CFAP44: variants seen among roughly 807,000 people sequenced by gnomAD.
CFAP44 encodes cilia- and flagella-associated protein 44.
In CFAP44, 134 loss-of-function variants were observed where a neutral mutation model predicts 216.2. The observed-to-expected ratio is 0.62, with a 90% CI of 0.54 to 0.72. The LOEUF (loss-of-function observed/expected upper bound fraction) is 0.72. CFAP44 is among the 30% of genes least tolerant of loss of function. CFAP44 has a pLI of 0.00. For synonymous variants in CFAP44, 700 were observed against 727.6 expected (o/e 0.96, Z 0.61); for missense variants, 2,035 against 2,182.1 (o/e 0.93, Z 1.34).
chr3:113,358,962 C>T, intron 21 of CFAP44, 87 bp from the exon 22 acceptor site: 2 of 1,400,176 alleles, frequency 1.4e-6, no homozygotes, highest in Non-Finnish European at 1.9e-6. Context: ...TTTCATGCTG[C>T]ATCATAACTC....
rs371988611 is a variant in CFAP44 at position 113,375,946 on chromosome 3, TA to T, written c.2299-2391del. ...AATTACCTAATCACTCAATAGAAGG[TA>T]AAAAAAAGGGAAAGAAAATAAATTT... On this transcript the variant is annotated intron_variant, in intron 17 of 34. Transcript: ENST00000393845. 1.2e-3 allele frequency among the ~76,000 whole-genome samples: 178 copies of T among 150,922 alleles called. 1 individual carries two copies. The highest frequency in any genetic ancestry group is 3.2e-3 in the African/African-American group (133 of 41,128).
At chr3:113,335,622 C>G (rs1024040645) in intron 24 of CFAP44, among the ~76,000 whole-genome samples, 2 of 152,068 alleles carry the variant, frequency 1.3e-5, no homozygotes, top group African/African-American at 4.8e-5. Context: ...ACTCATGTTC[C>G]CATCAACTGG....
At chr3:113,347,041 G>A (rs573622946) in intron 22 of CFAP44, among the ~76,000 whole-genome samples, 8 of 152,234 alleles carry the variant, frequency 5.3e-5, no homozygotes, top group South Asian at 2.1e-4. Context: ...ATGGGACATC[G>A]CCATGCAGTG....
At chr3:113,373,076 C>T (rs988331331) in intron 18 of CFAP44, among the ~76,000 whole-genome samples, 1 of 152,174 alleles carries the variant, frequency 6.6e-6, no homozygotes, top group African/African-American at 2.4e-5. Flanking sequence ...TATTAAAGGG[C>T]TAATGATTCA....
In CFAP44 at chr3:113,438,584, T is replaced by C. The variant is rs567847313; in HGVS notation, c.-6+2869A>G. Among the ~76,000 whole-genome samples, 10 of 152,348 alleles carry C rather than the reference T, an allele frequency of 6.6e-5. No homozygotes were observed. The South Asian group carries it at 1.9e-3, about 28-fold the overall frequency. On this transcript the variant is annotated intron_variant, in intron 1 of 34. Coordinates refer to ENST00000393845, the MANE Select transcript of CFAP44 (RefSeq NM_001164496.2). ...ATGAATTTATTGATATATTCCTGAA[T>C]AGATGAAAGAACAAGATTGTCAGTC...
chr3:113,343,908 C>A (rs1307551801), intron 23 of CFAP44, among the ~76,000 whole-genome samples: 1 of 152,132 alleles, frequency 6.6e-6, no homozygotes, highest in Non-Finnish European at 1.5e-5. Context: ...TGCAGCAGCA[C>A]CTTTTATTTA....
intron 17 of CFAP44, among the ~76,000 whole-genome samples, chr3:113,376,464 C>T (rs138380482): frequency 6.6e-6 from 1 of 152,282 alleles, no homozygotes; most frequent in East Asian, 1.9e-4. Flanking sequence ...GGGCCCAAGG[C>T]CGCACTCTGG....
chr3:113,427,250 C>T lies in CFAP44; in HGVS notation c.190G>A (p.Asp64Asn). The T allele has an allele frequency of 6.2e-7, 1 of 1,613,636 alleles. No homozygotes were observed. The change falls in exon 3 of 35, where the codon GAT becomes AAT. Residue 64 changes from aspartate to asparagine, a missense_variant. Physicochemically the swap from Asp to Asn is conservative, Grantham distance 23. Around this residue, in one of 3 missense-constraint regions of CFAP44, gnomAD observed 149 missense variants for 141.8 expected, o/e 1.05. Transcript: ENST00000393845. ...AAACTTCCTTCCAAACGTTCCTCAT[C>T]TGAGTCTTCTTCTAAATATGATCCT... The part of the protein sequence containing the change: ...GEGSYLEEDS[D>N]EERLEGSLSS...
In CFAP44 at chr3:113,332,784, A is replaced by C. The variant is rs1950251279; in HGVS notation, c.3615+622T>G. On this transcript the variant is annotated intron_variant, in intron 25 of 34. Transcript: ENST00000393845. Reference sequence around the variant, plus strand: ...GTTTGTGAGCATTGAGTTGCCTAGAAAAGTTTGGAAGTCCTACAAAAAAAG... The same window carrying C: ...GTTTGTGAGCATTGAGTTGCCTAGACAAGTTTGGAAGTCCTACAAAAAAAG... Among the ~76,000 whole-genome samples the C allele has an allele frequency of 2.0e-5, 3 of 152,192 alleles. No individual in the cohort carries two copies. The South Asian group carries it at 6.2e-4, about 32-fold the overall frequency.
chr3:113,330,772 C>T, intron 25 of CFAP44, 104 bp from the exon 26 acceptor site: 6 of 1,387,438 alleles, frequency 4.3e-6, no homozygotes, highest in Non-Finnish European at 4.7e-6. Context: ...AGAAAAAATT[C>T]AAGATAAAAA....
Position 113,426,104 on chromosome 3 carries a change from T to C in CFAP44, c.407+20A>G, listed in dbSNP as rs1934952236. The C allele has an allele frequency of 6.2e-7, 1 of 1,610,580 alleles. No homozygotes were observed. The highest frequency in any genetic ancestry group is 8.5e-7 in the Non-Finnish European group (1 of 1,178,530). ...GAAATGAAAATCCCAAAATTATACA[T>C]ATTTAGCCAGGGTGGATACACAAGT... is the stretch of plus-strand genomic sequence containing the variant. On this transcript the variant is annotated intron_variant, in intron 4 of 34. Transcript: ENST00000393845.
intron 33 of CFAP44, 102 bp from the exon 34 acceptor site, chr3:113,294,923 A>G: frequency 7.7e-7 from 1 of 1,297,164 alleles, no homozygotes; most frequent in Non-Finnish European, 1.0e-6. Context: ...AAATGGAGCA[A>G]TGTGCCCATA....
intron 28 of CFAP44, among the ~76,000 whole-genome samples, chr3:113,316,096 T>A (rs943169231): frequency 2.0e-5 from 3 of 152,198 alleles, no homozygotes; most frequent in African/African-American, 7.2e-5. Context: ...ATACAGAATA[T>A]GTTCTCCGAC....
intron 15 of CFAP44, among the ~76,000 whole-genome samples, chr3:113,393,446 G>T (rs1378918397): frequency 6.6e-6 from 1 of 152,086 alleles, no homozygotes; most frequent in Non-Finnish European, 1.5e-5. Context: ...TTCCCTAGGT[G>T]GGGAAGGGGG....
At chr3:113,413,298 A>T (rs1934543650) in intron 6 of CFAP44, among the ~76,000 whole-genome samples, 1 of 151,624 alleles carries the variant, frequency 6.6e-6, no homozygotes, top group Non-Finnish European at 1.5e-5. Context: ...GATTGCAAAA[A>T]TTTTCTCCCT....
At chr3:113,336,297 C>T (rs192730334) in intron 24 of CFAP44, among the ~76,000 whole-genome samples, 97 of 151,882 alleles carry the variant, frequency 6.4e-4, no homozygotes, top group Non-Finnish European at 9.9e-4. Flanking sequence ...TTGAAAAGAT[C>T]TATAACATGG....
chr3:113,381,894 TA>T lies in CFAP44; in HGVS notation c.1891-835del, dbSNP rs1218541779. ...ATTTAGCAAATCAGGTAAATAAATGTAAATTGTAATTGCAGAAGTCCTGCAG... is the reference window on the plus strand; with the variant it reads ...ATTTAGCAAATCAGGTAAATAAATGTAATTGTAATTGCAGAAGTCCTGCAG... On this transcript the variant is annotated intron_variant, in intron 15 of 34. Transcript: ENST00000393845. Among the ~76,000 whole-genome samples the T allele has an allele frequency of 7.2e-5, 11 of 152,318 alleles. No homozygotes were observed. The South Asian group carries it at 2.3e-3, about 32-fold the overall frequency.
At chr3:113,312,762 T>C (rs1049960505) in intron 28 of CFAP44, among the ~76,000 whole-genome samples, 1 of 152,172 alleles carries the variant, frequency 6.6e-6, no homozygotes, top group Non-Finnish European at 1.5e-5. Context: ...GGTGGGGCCA[T>C]GGCTTCAGAG....
At chr3:113,394,132 A>G (rs1011781932) in intron 15 of CFAP44, among the ~76,000 whole-genome samples, 2 of 152,234 alleles carry the variant, frequency 1.3e-5, no homozygotes, top group Admixed American at 6.5e-5. Flanking sequence ...CACTGGTTAC[A>G]TGTTATGCAA....
Sources: allele counts gnomAD v4.1 joint callset (sites outside exome capture counted in the v4.1 genomes callset), GRCh38; gene constraint gnomAD v4.1.1; regional missense constraint gnomAD v4.1.1; transcripts MANE v1.5; gene names NCBI Gene and HGNC (gene_info 2026-07-23, HGNC 2026-07-21).